Variants in SCN1A observed in about 807,000 individuals in gnomAD.
SCN1A encodes sodium channel protein type 1 subunit alpha.
In SCN1A, 13 loss-of-function variants were observed where a neutral mutation model predicts 193.7. That is an observed-to-expected ratio of 0.07 (90% CI 0.04 to 0.11). SCN1A has a LOEUF of 0.11. SCN1A is among the 10% of genes least tolerant of loss of function. SCN1A has a pLI of 1.00. For missense variants in SCN1A, 1,432 were observed against 2,451.1 expected (o/e 0.58, Z 8.78); for synonymous variants, 781 against 843.6 (o/e 0.93, Z 1.29).
chr2:165,997,619 A>T (rs1292180156), intron 26 of SCN1A, among the ~76,000 whole-genome samples: 1 of 151,428 alleles, frequency 6.6e-6, no homozygotes, highest in Non-Finnish European at 1.5e-5. Flanking sequence ...AAACACTAGA[A>T]GAAGCTTACA....
At chr2:166,017,222 G>A (rs1384772623) in intron 19 of SCN1A, among the ~76,000 whole-genome samples, 2 of 151,724 alleles carry the variant, frequency 1.3e-5, no homozygotes, top group African/African-American at 4.8e-5. Context: ...ATGCTCAGAA[G>A]CTGAAAAGTT....
At chr2:166,087,995 T>C (rs1280206526) in intron 2 of SCN1A, among the ~76,000 whole-genome samples, 2 of 152,082 alleles carry the variant, frequency 1.3e-5, no homozygotes, top group Non-Finnish European at 2.9e-5. Context: ...AAATGGAGGT[T>C]GAACACTGAA....
intron 20 of SCN1A, 125 bp from the exon 21 acceptor site, chr2:166,014,023 G>T: frequency 8.9e-7 from 1 of 1,124,488 alleles, no homozygotes. Context: ...AGCTCTCTAA[G>T]CCTAGAGTAG....
In SCN1A at chr2:166,083,759, C is replaced by T. The variant is rs572238532; in HGVS notation, c.-141-5958G>A. ...TGTGAAATTTAGGATCTCTTCTAGA[C>T]GATCATAGTCAGAATAATTTAAGGG... On this transcript the variant is annotated intron_variant, in intron 2 of 28. Transcript: ENST00000674923. Among the ~76,000 whole-genome samples the T allele has an allele frequency of 6.6e-5, 10 of 152,132 alleles. No individual in the cohort carries two copies. The East Asian group carries it at 1.2e-3, about 18-fold the overall frequency.
At chr2:166,136,262 T>C (rs1232668790) in intron 1 of SCN1A, among the ~76,000 whole-genome samples, 1 of 152,138 alleles carries the variant, frequency 6.6e-6, no homozygotes, top group African/African-American at 2.4e-5. Flanking sequence ...AATTGACACA[T>C]AGGGGATGTG....
chr2:166,067,337 A>G (rs1212573762), intron 4 of SCN1A, among the ~76,000 whole-genome samples: 1 of 152,176 alleles, frequency 6.6e-6, no homozygotes, highest in Non-Finnish European at 1.5e-5. Context: ...GGAAATGGCC[A>G]AGTGTTGAAA....
chr2:165,991,026 T>G lies in SCN1A; in HGVS notation c.*219A>C. The G allele has an allele frequency of 1.8e-6, 1 of 545,234 alleles. No homozygotes were observed. Among genetic ancestry groups the G allele is most frequent in the Non-Finnish European group, 3.3e-6 (1 of 307,176 alleles). The allele number at this position is 545,234 out of a possible 1,614,324, so 33.8% of individuals were successfully genotyped here. A position where few individuals can be genotyped will look rare whatever the true frequency, so the allele number is the denominator to read the frequency against. The stretch of plus-strand genomic sequence containing the variant: ...TATCTTCAGCAGTGTCAGCTGGTAG[T>G]GAGAACAGTAACCTCCTGTCAAGGT... On this transcript the variant is annotated 3_prime_UTR_variant, in exon 29 of 29. Transcript: ENST00000674923.
intron 19 of SCN1A, among the ~76,000 whole-genome samples, chr2:166,019,926 T>TC (rs1284141104): frequency 6.6e-6 from 1 of 151,400 alleles, no homozygotes; most frequent in Non-Finnish European, 1.5e-5. Context: ...TTTTTTTTTT[T>TC]TTGAGACAGA....
Position 166,102,790 on chromosome 2 carries a change from A to T in SCN1A, c.-142+24134T>A, listed in dbSNP as rs149838414. ...ACTATTCACAATAGCAATGGCATGCAATCAACCTAGATGTCCATTAATGGC... is the reference window on the plus strand; with the variant it reads ...ACTATTCACAATAGCAATGGCATGCTATCAACCTAGATGTCCATTAATGGC... On this transcript the variant is annotated intron_variant, in intron 2 of 28. Transcript: ENST00000674923. 2.5e-3 allele frequency among the ~76,000 whole-genome samples: 379 copies of T among 152,286 alleles called. 3 individuals are homozygous for T. The highest frequency in any genetic ancestry group is 8.7e-3 in the African/African-American group (362 of 41,564).
At chr2:166,085,717 A>G (rs1188643407) in intron 2 of SCN1A, among the ~76,000 whole-genome samples, 5 of 152,146 alleles carry the variant, frequency 3.3e-5, no homozygotes, top group African/African-American at 4.8e-5. Context: ...AAATAACCTG[A>G]AGACAAATGG....
At chr2:166,063,687 T>C (rs1393673585) in intron 4 of SCN1A, among the ~76,000 whole-genome samples, 1 of 152,090 alleles carries the variant, frequency 6.6e-6, no homozygotes, top group Non-Finnish European at 1.5e-5. Context: ...ACAGTTATGA[T>C]TTTAAATTTC....
chr2:166,142,131 G>A lies in SCN1A; in HGVS notation c.-50+6916C>T, dbSNP rs114952087. Among the ~76,000 whole-genome samples, 229 of 152,346 alleles carry A rather than the reference G, an allele frequency of 1.5e-3. 2 individuals carry two copies. The highest frequency in any genetic ancestry group is 5.3e-3 in the African/African-American group (221 of 41,576). On this transcript the variant is annotated intron_variant, in intron 1 of 26. Coordinates refer to the SCN1A transcript ENST00000635750. The stretch of plus-strand genomic sequence containing the variant: ...TATATGTAAAGTTGGGTCTGTGGAA[G>A]TGGCTAGAGTCTGGAGAGGTAGGCA...
At chr2:166,035,969 T>C (rs1391340052) in intron 19 of SCN1A, 79 bp downstream of exon 19, 1 of 1,436,582 alleles carries the variant, frequency 7.0e-7, no homozygotes, top group Middle Eastern at 1.8e-4. Flanking sequence ...AAAACATCAT[T>C]AAGCTGAGGA....
At chr2:166,097,955 A>C (rs554190016) in intron 2 of SCN1A, among the ~76,000 whole-genome samples, 1 of 152,348 alleles carries the variant, frequency 6.6e-6, no homozygotes, top group Admixed American at 6.5e-5. Flanking sequence ...TCATTGTAGA[A>C]ATATTTGTAT....
At chr2:166,104,247 A>G (rs571778164) in intron 2 of SCN1A, 1 of 152,350 alleles carries the variant, frequency 6.6e-6, no homozygotes, top group African/African-American at 2.4e-5. Context: ...ATCTTTGCAG[A>G]ATACAAACAA....
At chr2:166,051,627 A>G (rs1698561485) in intron 9 of SCN1A, 92 bp downstream of exon 9, 6 of 980,486 alleles carry the variant, frequency 6.1e-6, no homozygotes, top group Non-Finnish European at 9.2e-6. Flanking sequence ...ATCATGTAAA[A>G]TGGGATATCC....
In SCN1A at chr2:165,990,971, C is replaced by T. The variant is rs1456224835; in HGVS notation, c.*274G>A. 1.6e-5 allele frequency: 7 copies of T among 429,292 alleles called. No homozygotes were observed. The highest frequency in any genetic ancestry group is 8.4e-6 in the Non-Finnish European group (2 of 238,656). 26.6% of individuals were successfully genotyped at this position (429,292 alleles called of 1,614,324 possible). A position where few individuals can be genotyped will look rare whatever the true frequency, so the allele number is the denominator to read the frequency against. ...CAGGTTTGCACCCCTTGAAACTGGT[C>T]CCTACAGTCTGACTAGCCATTGTGC... On this transcript the variant is annotated 3_prime_UTR_variant, in exon 29 of 29. Coordinates refer to ENST00000674923, the MANE Select transcript of SCN1A (RefSeq NM_001165963.4).
chr2:166,148,236 A>G (rs1174851007), intron 1 of SCN1A, among the ~76,000 whole-genome samples: 1 of 152,206 alleles, frequency 6.6e-6, no homozygotes, highest in African/African-American at 2.4e-5. Context: ...GTTAAATCTT[A>G]TTAAAATTCC....
At chr2:166,077,396 G>A (rs1685090006) in intron 3 of SCN1A, among the ~76,000 whole-genome samples, 2 of 151,840 alleles carry the variant, frequency 1.3e-5, no homozygotes, top group East Asian at 1.9e-4. Flanking sequence ...TAAAAAATGG[G>A]CCAAAGACCT....
Sources: gnomAD v4.1 joint callset for allele counts (sites outside exome capture counted in the v4.1 genomes callset) on GRCh38, gnomAD v4.1.1 for gene constraint, MANE v1.5 for transcripts, NCBI Gene and HGNC (gene_info 2026-07-23, HGNC 2026-07-21) for gene names.